ABR: variants seen among roughly 807,000 people sequenced by gnomAD.
The protein encoded by ABR is active breakpoint cluster region-related protein.
Under a neutral mutation model 107.2 loss-of-function variants are expected in ABR, and 35 were observed. That is an observed-to-expected ratio of 0.33 (90% CI 0.25 to 0.43). The LOEUF (loss-of-function observed/expected upper bound fraction) is 0.43, where lower values mean the gene tolerates loss of function less well. Ranked by LOEUF, ABR falls within the 20% of genes least tolerant of loss-of-function variation. The pLI is 1.00. For synonymous variants in ABR, 498 were observed against 462.0 expected, an observed-to-expected ratio of 1.08 and a Z score of -1.00; for missense variants, 815 against 1,115.2, an observed-to-expected ratio of 0.73 and a Z score of 3.83.
In ABR at chr17:1,179,975, G is replaced by A. The variant is rs201020926; in HGVS notation, c.-248C>T. 6.3e-6 allele frequency: 1 copy of A among 158,196 alleles called. No individual in the cohort carries two copies. Among genetic ancestry groups the A allele is most frequent in the Non-Finnish European group, 1.3e-5 (1 of 74,198 alleles). The allele number at this position is 158,196 out of a possible 1,614,324, so 9.8% of individuals were successfully genotyped here. On this transcript the variant is annotated 5_prime_UTR_variant, in exon 1 of 23. Transcript: ENST00000302538. This position sits in a 1 kb window ranked among gnomAD's most constrained non-coding sequence, Gnocchi z 4.9. ...GAGCCCAGCTGCGGATCCCGGAACC[G>A]ATGAGCAACTTCGCGGGGGGCGGGG...
At chr17:1,224,354 G>A (rs982792451) in intron 1 of ABR, among the ~76,000 whole-genome samples, 3 of 152,158 alleles carry the variant, frequency 2.0e-5, no homozygotes, top group Non-Finnish European at 2.9e-5. Flanking sequence ...CAAAAAAGCC[G>A]AAATGTGTTT....
rs2070572779 is a variant in ABR at position 1,011,777 on chromosome 17, T to G, written c.2101+69A>C. ...AGGGAGGCTCCTGGTTCCCCCGAGCTCTCCTGTCCATCCCACCAGCCTGCT... is the reference window on the plus strand; with the variant it reads ...AGGGAGGCTCCTGGTTCCCCCGAGCGCTCCTGTCCATCCCACCAGCCTGCT... On this transcript the variant is annotated intron_variant, in intron 19 of 22. Coordinates refer to ENST00000302538, the MANE Select transcript of ABR (RefSeq NM_021962.5). The surrounding 1 kb of genome is among the most constrained non-coding windows in gnomAD (Gnocchi z 4.8). 1 of 1,488,394 alleles carries G rather than the reference T, an allele frequency of 6.7e-7. No homozygotes were observed. The highest frequency in any genetic ancestry group is 1.4e-5 in the South Asian group (1 of 71,236). 92.2% of individuals were successfully genotyped at this position (1,488,394 alleles called of 1,614,324 possible).
chr17:1,201,630 T>TG, intron 1 of ABR, among the ~76,000 whole-genome samples: 1 of 152,282 alleles, frequency 6.6e-6, no homozygotes, highest in South Asian at 2.1e-4. Flanking sequence ...CTTTGTTTTC[T>TG]GGGGGTGTCT....
At chr17:1,149,640 C>T (rs1365985681) in intron 1 of ABR, among the ~76,000 whole-genome samples, 1 of 152,164 alleles carries the variant, frequency 6.6e-6, no homozygotes, top group Non-Finnish European at 1.5e-5. Context: ...TGGTCTCGAA[C>T]TCCTGACCTC....
chr17:1,007,399 C>A, intron 21 of ABR, 87 bp from the exon 22 acceptor site: 1 of 1,503,484 alleles, frequency 6.7e-7, no homozygotes, highest in Non-Finnish European at 9.1e-7. Flanking sequence ...TGTGGGAACT[C>A]CTGAAGGACT....
chr17:1,115,112 G>T (rs536090625), intron 2 of ABR, among the ~76,000 whole-genome samples: 278 of 152,312 alleles, frequency 1.8e-3, no homozygotes, highest in Non-Finnish European at 2.9e-3. Context: ...ATAGGCGAAG[G>T]GAAGGTGCTG....
At chr17:1,087,900 G>A (rs1012748010) in intron 4 of ABR, among the ~76,000 whole-genome samples, 13 of 152,304 alleles carry the variant, frequency 8.5e-5, no homozygotes, top group African/African-American at 3.1e-4. Flanking sequence ...GGTAGGGCCC[G>A]AGGCCTGGCT....
At chr17:1,125,146 C>T (rs2151450556) in intron 2 of ABR, 37 bp downstream of exon 2, 2 of 1,532,158 alleles carry the variant, frequency 1.3e-6, no homozygotes, top group East Asian at 4.6e-5. Context: ...TCCCGTCACC[C>T]CTCCCCAAAC....
At chr17:1,049,860 C>T (rs1006555570) in intron 16 of ABR, 190 bp downstream of exon 16, 12 of 726,330 alleles carry the variant, frequency 1.7e-5, no homozygotes, top group South Asian at 1.3e-4. Context: ...GCCACGCACA[C>T]GCCTGGGCTT....
intron 12 of ABR, among the ~76,000 whole-genome samples, chr17:1,057,657 A>ATGTGTGTATGTG (rs2033478931): frequency 1.1e-4 from 4 of 37,414 alleles, no homozygotes; most frequent in Admixed American, 3.1e-4. Flanking sequence ...GTATGTGTGT[A>ATGTGTGTATGTG]TGTGTGTGTG....
chr17:1,029,815 C>T (rs868116379), intron 16 of ABR, among the ~76,000 whole-genome samples: 1 of 39,774 alleles, frequency 2.5e-5, no homozygotes, highest in African/African-American at 8.9e-5. Flanking sequence ...AGCGCTGACC[C>T]GTGTCCACGA....
intron 1 of ABR, among the ~76,000 whole-genome samples, chr17:1,162,959 C>T (rs149727040): frequency 0.013 from 2,029 of 152,302 alleles, 57 homozygotes; most frequent in African/African-American, 0.046. Context: ...GTAGTCCCAG[C>T]TACTCAGGAG....
intron 11 of ABR, 51 bp downstream of exon 11, chr17:1,058,694 G>C (rs775752093): frequency 8.7e-6 from 14 of 1,601,584 alleles, no homozygotes; most frequent in Non-Finnish European, 1.2e-5. Flanking sequence ...AGAGTGGGCT[G>C]CTCTGGACTA....
At chr17:1,067,744 C>T (rs2034870973) in intron 9 of ABR, among the ~76,000 whole-genome samples, 2 of 152,114 alleles carry the variant, frequency 1.3e-5, no homozygotes, top group African/African-American at 4.8e-5. Context: ...AGAAAGTGTG[C>T]CCTAGTTGAT....
intron 16 of ABR, among the ~76,000 whole-genome samples, chr17:1,030,847 A>C (rs1483417927): frequency 6.6e-6 from 1 of 152,256 alleles, no homozygotes; most frequent in Non-Finnish European, 1.5e-5. Flanking sequence ...TAACTCGGAC[A>C]GTTGATTTGA....
At chr17:1,073,842 G>A (rs898432531) in intron 6 of ABR, among the ~76,000 whole-genome samples, 165 bp from the exon 7 acceptor site, 16 of 151,506 alleles carry the variant, frequency 1.1e-4, no homozygotes, top group Middle Eastern at 3.4e-3. Context: ...CTCACTCCCC[G>A]GGCCGACCAA....
At chr17:1,228,733 C>G (rs2043270553) in intron 1 of ABR, 1 of 150,364 alleles carries the variant, frequency 6.7e-6, no homozygotes, top group South Asian at 2.1e-4. Context: ...GAAGGGGTCC[C>G]GGCAGCCCGG....
At chr17:1,107,128 G>T (rs1275008383) in intron 2 of ABR, among the ~76,000 whole-genome samples, 19 of 152,250 alleles carry the variant, frequency 1.2e-4, no homozygotes, top group Admixed American at 1.2e-3. Flanking sequence ...TTCGAGAAAG[G>T]TCTCCTTCCC....
At chr17:1,044,424 C>T (rs1178178709) in intron 16 of ABR, among the ~76,000 whole-genome samples, 2 of 152,210 alleles carry the variant, frequency 1.3e-5, no homozygotes, top group East Asian at 3.9e-4. Flanking sequence ...CTGAGGTGGA[C>T]AGATCACCTG....
Sources: allele counts gnomAD v4.1 joint callset (sites outside exome capture counted in the v4.1 genomes callset), GRCh38; gene constraint gnomAD v4.1.1; non-coding constraint Gnocchi (gnomAD v3.1); transcripts MANE v1.5; gene names NCBI Gene and HGNC (gene_info 2026-07-23, HGNC 2026-07-21).